Variants in NDST3 observed in about 807,000 individuals in gnomAD.
NDST3 encodes the protein N-deacetylase and N-sulfotransferase 3.
NDST3 carries 58 observed loss-of-function variants against 96.1 expected under a neutral mutation model. That is an observed-to-expected ratio of 0.60 (90% CI 0.49 to 0.75). NDST3 has a LOEUF of 0.75. Ranked by LOEUF, NDST3 falls within the 30% of genes least tolerant of loss-of-function variation. The pLI, the probability that NDST3 is intolerant of heterozygous loss-of-function variation, is 0.00. For synonymous variants in NDST3, 333 were observed against 359.7 expected (o/e 0.93, Z 0.84); for missense variants, 788 against 1,034.2 (o/e 0.76, Z 3.27).
chr4:118,198,932 T>C (rs1359837056), intron 6 of NDST3, among the ~76,000 whole-genome samples: 5 of 152,192 alleles, frequency 3.3e-5, no homozygotes, highest in Admixed American at 2.0e-4. Context: ...ACTAGATGTG[T>C]TGGAGCTCCA....
intron 13 of NDST3, 94 bp from the exon 14 acceptor site, chr4:118,255,499 T>G: frequency 2.4e-6 from 3 of 1,264,724 alleles, no homozygotes; most frequent in Non-Finnish European, 3.3e-6. Flanking sequence ...TTAATCCAGA[T>G]CTGGTATACT....
rs1182579019 is a variant in NDST3, at chr4:118,237,208, C to T, written c.2106C>T (p.Tyr702=). 3.7e-6 allele frequency: 6 copies of T among 1,608,132 alleles called. No individual in the cohort carries two copies. Among genetic ancestry groups the T allele is most frequent in the Non-Finnish European group, 5.1e-6 (6 of 1,177,398 alleles). ...TILIDPSDRA[Y]SWYQHQRSHE... Reference sequence around the variant, plus strand: ...TCATTGACCCTTCAGACCGAGCATACTCCTGGTACCAGGTAAGGAAAATGC... The same window carrying T: ...TCATTGACCCTTCAGACCGAGCATATTCCTGGTACCAGGTAAGGAAAATGC... Residue 702 remains tyrosine (Y), a synonymous_variant, in exon 10 of 14, where the codon TAC becomes TAT. Coordinates refer to ENST00000296499, the MANE Select transcript of NDST3 (RefSeq NM_004784.3).
At chr4:118,147,090 C>T (rs1384121683) in intron 6 of NDST3, among the ~76,000 whole-genome samples, 1 of 152,166 alleles carries the variant, frequency 6.6e-6, no homozygotes, top group African/African-American at 2.4e-5. Context: ...ATTGTATAGA[C>T]AGTAATTGAA....
At chr4:118,238,539 T>C (rs1232439600) in intron 10 of NDST3, among the ~76,000 whole-genome samples, 4 of 152,224 alleles carry the variant, frequency 2.6e-5, no homozygotes, top group South Asian at 2.1e-4. Context: ...TCAATGTCTT[T>C]AGTCTCTAGG....
intron 4 of NDST3, among the ~76,000 whole-genome samples, chr4:118,125,095 A>C (rs1019587187): frequency 2.6e-5 from 4 of 152,084 alleles, no homozygotes; most frequent in Non-Finnish European, 5.9e-5. Flanking sequence ...GATCAGGCTG[A>C]TATCACCTTG....
chr4:118,100,426 C>A (rs1220474151), intron 2 of NDST3, among the ~76,000 whole-genome samples: 1 of 152,020 alleles, frequency 6.6e-6, no homozygotes, highest in Non-Finnish European at 1.5e-5. Context: ...GAGCCAAATC[C>A]TGTAATAAAT....
chr4:118,033,359 C>A (rs1223476549), upstream of NDST3, among the ~76,000 whole-genome samples: 1 of 152,140 alleles, frequency 6.6e-6, no homozygotes, highest in Admixed American at 6.5e-5. Context: ...GCACCCCTTT[C>A]CCTGGCCGCA....
chr4:118,120,335 G>C (rs1467726923), intron 4 of NDST3, among the ~76,000 whole-genome samples: 2 of 152,082 alleles, frequency 1.3e-5, no homozygotes, highest in Non-Finnish European at 1.5e-5. Context: ...GGCAGAGGGA[G>C]CAGGGGGGAA....
At chr4:118,089,406 A>C (rs1728690896) in intron 2 of NDST3, among the ~76,000 whole-genome samples, 1 of 151,952 alleles carries the variant, frequency 6.6e-6, no homozygotes, top group South Asian at 2.1e-4. Context: ...GTGTCACTAA[A>C]AGGTCATTGA....
At chr4:118,190,086 G>C (rs929553647) in intron 6 of NDST3, among the ~76,000 whole-genome samples, 6 of 151,116 alleles carry the variant, frequency 4.0e-5, no homozygotes, top group African/African-American at 1.5e-4. Context: ...AGCATATCTT[G>C]CTTTTGTTTA....
At chr4:118,223,700 G>GA (rs2125994047) in intron 6 of NDST3, among the ~76,000 whole-genome samples, 1 of 152,032 alleles carries the variant, frequency 6.6e-6, no homozygotes, top group African/African-American at 2.4e-5. Flanking sequence ...GCCTCTTAAT[G>GA]AATGACCTAT....
At chr4:118,104,275 G>A (rs570254767) in intron 2 of NDST3, among the ~76,000 whole-genome samples, 22 of 152,140 alleles carry the variant, frequency 1.4e-4, no homozygotes, top group African/African-American at 5.3e-4. Context: ...CTCAACTACC[G>A]TGTGTGTGTA....
At chr4:118,078,693 G>C (rs950547633) in intron 2 of NDST3, among the ~76,000 whole-genome samples, 9 of 150,222 alleles carry the variant, frequency 6.0e-5, no homozygotes, top group African/African-American at 2.2e-4. Context: ...GGGTTGCAGT[G>C]AGCCAAGACT....
At chr4:118,099,897 T>C (rs193240436) in intron 2 of NDST3, among the ~76,000 whole-genome samples, 16 of 152,172 alleles carry the variant, frequency 1.1e-4, no homozygotes, top group Non-Finnish European at 1.8e-4. Context: ...ACTAAGGTGG[T>C]CATTGGAGCA....
At position 118,245,498 on chromosome 4, in the gene NDST3, C is replaced by A. The variant is rs1392865490; in HGVS notation, c.2399+3349C>A. 3.9e-5 allele frequency among the ~76,000 whole-genome samples: 6 copies of A among 152,112 alleles called. No homozygotes were observed. The East Asian group carries it at 9.6e-4, about 24-fold the overall frequency. On this transcript the variant is annotated intron_variant, in intron 12 of 13. Coordinates refer to ENST00000296499, the MANE Select transcript of NDST3 (RefSeq NM_004784.3). Reference sequence around the variant, plus strand: ...GCTGCTTCAAAATTCAGAAGGACTTCAATAGCTTTTAATATAACTTCCTTG... The same window carrying A: ...GCTGCTTCAAAATTCAGAAGGACTTAAATAGCTTTTAATATAACTTCCTTG...
chr4:118,235,026 T>C (rs1303780366), intron 9 of NDST3, among the ~76,000 whole-genome samples: 2 of 35,502 alleles, frequency 5.6e-5, no homozygotes, highest in African/African-American at 2.0e-4. Context: ...GGAGACTCCA[T>C]CAAAAAAAAA....
intron 8 of NDST3, among the ~76,000 whole-genome samples, chr4:118,232,306 A>G (rs1227892053): frequency 1.3e-5 from 2 of 152,074 alleles, no homozygotes; most frequent in Admixed American, 1.3e-4. Flanking sequence ...AAAATCTATG[A>G]AATAAGTAGG....
At chr4:118,219,910 A>C (rs942807604) in intron 6 of NDST3, among the ~76,000 whole-genome samples, 2 of 152,198 alleles carry the variant, frequency 1.3e-5, no homozygotes, top group Non-Finnish European at 2.9e-5. Flanking sequence ...CATACAAAAA[A>C]AAGCTCAACA....
At chr4:118,223,810 ATCT>A (rs1482845167) in intron 6 of NDST3, among the ~76,000 whole-genome samples, 1 of 152,088 alleles carries the variant, frequency 6.6e-6, no homozygotes, top group African/African-American at 2.4e-5. Context: ...TTATTTTATG[ATCT>A]TTTTTATAGC....
Sources: allele counts gnomAD v4.1 joint callset (sites outside exome capture counted in the v4.1 genomes callset), GRCh38; gene constraint gnomAD v4.1.1; transcripts MANE v1.5; gene names NCBI Gene and HGNC (gene_info 2026-07-23, HGNC 2026-07-21).